Variants in COPG2 observed in about 807,000 individuals in gnomAD.
The protein encoded by COPG2 is coatomer subunit gamma-2.
In COPG2, 37 loss-of-function variants were observed where a neutral mutation model predicts 46.3. The ratio of observed to expected loss-of-function variants is 0.80; its 90% CI spans 0.61 to 1.05. The LOEUF (loss-of-function observed/expected upper bound fraction) is 1.05, where lower values mean the gene tolerates loss of function less well. Among genes scored for constraint, COPG2 ranks in the 50% least tolerant of loss-of-function variants. The pLI is 0.00. For missense variants in COPG2, 427 were observed against 387.8 expected (o/e 1.10, Z -0.85); for synonymous variants, 159 against 129.7 (o/e 1.23, Z -1.53).
intron 4 of COPG2, among the ~76,000 whole-genome samples, chr7:130,657,512 T>C (rs1349285831): frequency 1.3e-5 from 2 of 152,076 alleles, no homozygotes; most frequent in African/African-American, 4.8e-5. Context: ...AAGCATCACC[T>C]GTAACAGAAA....
intron 20 of COPG2, among the ~76,000 whole-genome samples, chr7:130,536,453 G>A (rs1208830129): frequency 6.6e-6 from 1 of 152,116 alleles, no homozygotes; most frequent in African/African-American, 2.4e-5. Context: ...GGTGAGCAGT[G>A]TTCAGCTCAG....
intron 1 of COPG2, among the ~76,000 whole-genome samples, chr7:130,667,843 A>G (rs1220381050): frequency 6.6e-6 from 1 of 152,172 alleles, no homozygotes; most frequent in African/African-American, 2.4e-5. Flanking sequence ...ATGAGATTGT[A>G]GTAGGGTGCT....
Position 130,668,613 on chromosome 7 carries a change from T to A in COPG2, c.37+19A>T. On this transcript the variant is annotated intron_variant, in intron 1 of 23. Coordinates refer to ENST00000425248, the MANE Select transcript of COPG2 (RefSeq NM_012133.6). ...GGCGTCCCGCGGCTGAGGGTGGGCC[T>A]CGGAAGCCCCGCGCGTACCAGACTC... is the stretch of plus-strand genomic sequence containing the variant. 1 of 1,522,418 alleles carries A rather than the reference T, an allele frequency of 6.6e-7. No homozygotes were observed. The highest frequency in any genetic ancestry group is 8.8e-7 in the Non-Finnish European group (1 of 1,136,476). 94.3% of individuals were successfully genotyped at this position (1,522,418 alleles called of 1,614,324 possible).
intron 12 of COPG2, among the ~76,000 whole-genome samples, chr7:130,558,789 TG>T (rs1361993500): frequency 6.6e-6 from 1 of 152,198 alleles, no homozygotes; most frequent in Non-Finnish European, 1.5e-5. Context: ...CCCAAAGTGC[TG>T]GGATTAAAGG....
At chr7:130,575,837 A>G (rs1793990533) in intron 9 of COPG2, among the ~76,000 whole-genome samples, 1 of 152,168 alleles carries the variant, frequency 6.6e-6, no homozygotes, top group African/African-American at 2.4e-5. Context: ...AGACTCACCT[A>G]ACACATACTC....
chr7:130,626,798 G>A (rs1795129063), intron 5 of COPG2, among the ~76,000 whole-genome samples: 1 of 152,038 alleles, frequency 6.6e-6, no homozygotes, highest in South Asian at 2.1e-4. Context: ...TTCTCCTGGA[G>A]AAGTGTATGT....
intron 5 of COPG2, among the ~76,000 whole-genome samples, chr7:130,637,369 G>A (rs1296941679): frequency 6.6e-6 from 1 of 152,110 alleles, no homozygotes; most frequent in African/African-American, 2.4e-5. Context: ...CCAATCAAAC[G>A]TAGGTTTGGT....
At chr7:130,541,031 C>T (rs946942932) in intron 20 of COPG2, among the ~76,000 whole-genome samples, 22 of 152,034 alleles carry the variant, frequency 1.4e-4, no homozygotes, top group Non-Finnish European at 2.1e-4. Context: ...CTGGTGGATG[C>T]GGGAGGATGG....
intron 5 of COPG2, among the ~76,000 whole-genome samples, chr7:130,649,524 A>G (rs1434401964): frequency 3.9e-5 from 6 of 152,218 alleles, no homozygotes; most frequent in African/African-American, 1.4e-4. Flanking sequence ...TAATTGCAGT[A>G]TACAAGCCTG....
At chr7:130,591,808 C>T (rs1328860542) in intron 9 of COPG2, among the ~76,000 whole-genome samples, 1 of 150,974 alleles carries the variant, frequency 6.6e-6, no homozygotes, top group African/African-American at 2.4e-5. Context: ...GGCCAGCCGC[C>T]CCATCCGGGA....
At chr7:130,588,635 G>T (rs1277956053) in intron 9 of COPG2, among the ~76,000 whole-genome samples, 1 of 152,126 alleles carries the variant, frequency 6.6e-6, no homozygotes, top group African/African-American at 2.4e-5. Flanking sequence ...ATCACACACT[G>T]AGGACTGTTG....
chr7:130,641,768 G>T (rs1300385549), intron 5 of COPG2, among the ~76,000 whole-genome samples: 1 of 152,050 alleles, frequency 6.6e-6, no homozygotes, highest in Non-Finnish European at 1.5e-5. Context: ...GTTGTTTCGG[G>T]CTTGTATATT....
intron 20 of COPG2, among the ~76,000 whole-genome samples, chr7:130,540,864 A>G (rs1402847938): frequency 4.6e-5 from 7 of 152,120 alleles, no homozygotes; most frequent in East Asian, 3.9e-4. Context: ...GGGCTATCCA[A>G]TCATCTGAGG....
At chr7:130,556,213 C>G (rs2116394459) in intron 12 of COPG2, among the ~76,000 whole-genome samples, 1 of 152,236 alleles carries the variant, frequency 6.6e-6, no homozygotes, top group Admixed American at 6.5e-5. Flanking sequence ...TATATTGGAC[C>G]ATAAACATGT....
At chr7:130,607,627 T>C (rs1173353779) in intron 9 of COPG2, 1 of 505,768 alleles carries the variant, frequency 2.0e-6, no homozygotes, top group Non-Finnish European at 3.9e-6. Flanking sequence ...CTCCTGTATA[T>C]ATGTAGTTCA....
intron 9 of COPG2, chr7:130,603,020 T>C (rs1479269017): frequency 6.6e-6 from 1 of 152,098 alleles, no homozygotes; most frequent in Non-Finnish European, 1.5e-5. Flanking sequence ...AATTATCAAC[T>C]TTTCTACCCC....
chr7:130,611,616 T>C (rs532177670), intron 8 of COPG2, among the ~76,000 whole-genome samples: 9 of 152,320 alleles, frequency 5.9e-5, no homozygotes, highest in Non-Finnish European at 1.0e-4. Context: ...AATAACTGAA[T>C]ATGTTACCAT....
intron 14 of COPG2, among the ~76,000 whole-genome samples, chr7:130,553,105 G>A (rs2116389828): frequency 6.6e-6 from 1 of 152,312 alleles, no homozygotes; most frequent in Non-Finnish European, 1.5e-5. Flanking sequence ...CAGGATAAGA[G>A]TATTAGAGGC....
chr7:130,651,631 C>T (rs1795748632), intron 5 of COPG2, among the ~76,000 whole-genome samples: 1 of 150,202 alleles, frequency 6.7e-6, no homozygotes, highest in African/African-American at 2.4e-5. Flanking sequence ...ATTCTCCTGC[C>T]TCAGCCTCCC....
Sources: gnomAD v4.1 joint callset for allele counts (sites outside exome capture counted in the v4.1 genomes callset) on GRCh38, gnomAD v4.1.1 for gene constraint, MANE v1.5 for transcripts, NCBI Gene and HGNC (gene_info 2026-07-23, HGNC 2026-07-21) for gene names.